The following MYT1L variants were observed in gnomAD, a reference collection of about 807,000 sequenced individuals.
MYT1L encodes myelin transcription factor 1-like protein.
MYT1L carries 12 observed loss-of-function variants against 126.7 expected under a neutral mutation model. That is an observed-to-expected ratio of 0.09 (90% confidence interval 0.06 to 0.15). The LOEUF is 0.15. Ranked by LOEUF, MYT1L falls within the 10% of genes least tolerant of loss-of-function variation. The pLI is 1.00. For missense variants in MYT1L, 979 were observed against 1,585.2 expected (o/e 0.62, Z 6.49); for synonymous variants, 541 against 604.2 (o/e 0.90, Z 1.53).
intron 5 of MYT1L, among the ~76,000 whole-genome samples, chr2:1,982,421 C>T (rs1315007090): frequency 1.3e-5 from 2 of 152,172 alleles, no homozygotes; most frequent in Non-Finnish European, 2.9e-5. Context: ...GAAACATTCT[C>T]CGGGGGTGTA....
chr2:2,182,220 C>T (rs1195074816), intron 2 of MYT1L, among the ~76,000 whole-genome samples: 1 of 152,136 alleles, frequency 6.6e-6, no homozygotes, highest in South Asian at 2.1e-4. Context: ...AGGTGACCTC[C>T]TCTCTGCAGG....
rs748224155 is a variant in MYT1L, at chr2:1,889,205, C to T, written c.2520+36G>A. On this transcript the variant is annotated intron_variant, in intron 16 of 24. Coordinates refer to ENST00000647738, the MANE Select transcript of MYT1L (RefSeq NM_001303052.2). This position sits in a 1 kb window ranked among gnomAD's most constrained non-coding sequence, Gnocchi z 4.1. ...TTCAGCTGGGGCCCCATTTTTAAGT[C>T]TGGCAGTCAACACAGGCTCAATGAA... is the stretch of plus-strand genomic sequence containing the variant. The T allele has an allele frequency of 6.4e-7, 1 of 1,557,618 alleles. No individual in the cohort carries two copies.
chr2:2,157,821 G>T (rs912363154), intron 3 of MYT1L, among the ~76,000 whole-genome samples: 1 of 152,160 alleles, frequency 6.6e-6, no homozygotes, highest in Non-Finnish European at 1.5e-5. Context: ...CACACCAGCA[G>T]GTCTTTGGGC....
intron 2 of MYT1L, among the ~76,000 whole-genome samples, chr2:2,185,238 G>A (rs75991744): frequency 1.1e-3 from 174 of 152,294 alleles, no homozygotes; most frequent in Non-Finnish European, 1.8e-3. Context: ...AGGTAAATGG[G>A]AATGAGGGCA....
intron 14 of MYT1L, among the ~76,000 whole-genome samples, chr2:1,894,427 C>G (rs768613356): frequency 6.6e-6 from 1 of 152,296 alleles, no homozygotes; most frequent in South Asian, 2.1e-4. Flanking sequence ...CCTAAGCAAC[C>G]GTCACAAACC....
At chr2:2,305,292 A>G (rs2095843893) in intron 1 of MYT1L, among the ~76,000 whole-genome samples, 1 of 152,176 alleles carries the variant, frequency 6.6e-6, no homozygotes, top group Non-Finnish European at 1.5e-5. Flanking sequence ...TTCACAGTGG[A>G]ATATATTGGA....
rs2032229774 is a variant in MYT1L at position 1,792,214 on chromosome 2, T to C, written c.3420+107A>G. The C allele has an allele frequency of 2.1e-6, 3 of 1,410,992 alleles. No homozygotes were observed. The East Asian group carries it at 7.5e-5, about 35-fold the overall frequency. 87.4% of individuals were successfully genotyped at this position (1,410,992 alleles called of 1,614,324 possible). On this transcript the variant is annotated intron_variant, in intron 24 of 24. Coordinates refer to ENST00000647738, the MANE Select transcript of MYT1L (RefSeq NM_001303052.2). ...GTTTCGGGGTGGTAACCACAAACAT[T>C]TGCCAAAGGCTGAAGAACCATGAAA... is the stretch of plus-strand genomic sequence containing the variant.
intron 2 of MYT1L, among the ~76,000 whole-genome samples, chr2:2,200,053 T>C (rs2092993952): frequency 1.3e-5 from 2 of 152,144 alleles, no homozygotes; most frequent in African/African-American, 4.8e-5. Flanking sequence ...CCTTACGGTT[T>C]ACAAAATGCA....
At chr2:2,168,092 A>G (rs1221029980) in intron 3 of MYT1L, among the ~76,000 whole-genome samples, 1 of 152,216 alleles carries the variant, frequency 6.6e-6, no homozygotes, top group African/African-American at 2.4e-5. Context: ...AGAAACTCAA[A>G]AAAACAGGTG....
chr2:2,095,680 T>G (rs1219102827), intron 3 of MYT1L, among the ~76,000 whole-genome samples: 1 of 152,086 alleles, frequency 6.6e-6, no homozygotes, highest in Non-Finnish European at 1.5e-5. Flanking sequence ...CTGCAATCTA[T>G]GGGCCAAAGG....
intron 5 of MYT1L, among the ~76,000 whole-genome samples, chr2:1,991,468 T>C (rs1048350285): frequency 5.3e-5 from 8 of 152,090 alleles, no homozygotes; most frequent in Non-Finnish European, 1.2e-4. Context: ...AATCTGTGTA[T>C]TTTTTGCCAC....
chr2:2,021,490 C>T (rs1375674698), intron 4 of MYT1L, among the ~76,000 whole-genome samples: 3 of 152,058 alleles, frequency 2.0e-5, no homozygotes, highest in Non-Finnish European at 4.4e-5. Context: ...GAGTGAGGGT[C>T]GATTGGAGAA....
rs547873189 is a variant in MYT1L at position 1,912,340 on chromosome 2, A to T, written c.1619-230T>A. On this transcript the variant is annotated intron_variant, in intron 11 of 24. Transcript: ENST00000647738. The surrounding 1 kb of genome is among the most constrained non-coding windows in gnomAD (Gnocchi z 4.3). The stretch of plus-strand genomic sequence containing the variant: ...AAAGAAGGTTGACTGGACCCTACAG[A>T]CCCTACATGAAAGGCCAGAGAAAGA... 1.3e-4 allele frequency among the ~76,000 whole-genome samples: 20 copies of T among 152,202 alleles called. No homozygotes were observed. The highest frequency in any genetic ancestry group is 4.6e-4 in the African/African-American group (19 of 41,532).
intron 2 of MYT1L, among the ~76,000 whole-genome samples, chr2:2,279,777 A>T (rs1284807271): frequency 4.6e-5 from 7 of 152,208 alleles, no homozygotes; most frequent in Non-Finnish European, 1.5e-5. Context: ...AAGGGTTTTT[A>T]ATGTATACCC....
At chr2:1,810,868 A>T (rs2036511611) in intron 21 of MYT1L, among the ~76,000 whole-genome samples, 1 of 152,184 alleles carries the variant, frequency 6.6e-6, no homozygotes, top group South Asian at 2.1e-4. Context: ...TCTCATAATT[A>T]TAATAGAATA....
In MYT1L at chr2:1,839,321, C is replaced by T. The variant is rs373901652; in HGVS notation, c.2908G>A (p.Ala970Thr). Residue 970 changes from alanine to threonine, a missense_variant, in exon 21 of 25, where the codon GCG becomes ACG. By Grantham distance (58) the Ala-to-Thr change is moderately conservative. Around this residue, in one of 12 missense-constraint regions of MYT1L, gnomAD observed 179 missense variants for 398.6 expected, o/e 0.45. Transcript: ENST00000647738. ...DGQGHITGKYASHRSASGCPL... is the reference protein window; with the variant it reads ...DGQGHITGKYTSHRSASGCPL... ...CACCCGGAGGCGCTGCGATGGGACG[C>T]GTACTTCCCAGTGATGTGGCCCTGG... 3.1e-6 allele frequency: 5 copies of T among 1,613,416 alleles called. No homozygotes were observed. Among genetic ancestry groups the T allele is most frequent in the South Asian group, 2.2e-5 (2 of 91,090 alleles).
intron 3 of MYT1L, among the ~76,000 whole-genome samples, chr2:2,145,912 A>T (rs2084807874): frequency 6.6e-6 from 1 of 152,234 alleles, no homozygotes; most frequent in Non-Finnish European, 1.5e-5. Flanking sequence ...AAATGATGTA[A>T]TGTTCAGAGG....
At chr2:1,963,453 A>G (rs970737623) in intron 8 of MYT1L, among the ~76,000 whole-genome samples, 3 of 152,254 alleles carry the variant, frequency 2.0e-5, no homozygotes, top group African/African-American at 7.2e-5. Context: ...GCTCAGAACA[A>G]GAGAGACAGC....
Position 1,923,136 on chromosome 2 carries a change from G to A in MYT1L, c.633C>T (p.Ile211=), listed in dbSNP as rs775082258. ...TGGCCCGGTAGGCTGCATCCTCAGC[G>A]ATTTTGCCGAGGTTTAACAATGACT... The part of the protein sequence containing the change: ...VAKSLLNLGK[I]AEDAAYRART... Residue 211 remains isoleucine, a synonymous_variant, in exon 10 of 25, where the codon ATC becomes ATT. Coordinates refer to ENST00000647738, the MANE Select transcript of MYT1L (RefSeq NM_001303052.2). The A allele has an allele frequency of 2.6e-5, 42 of 1,613,906 alleles. No individual in the cohort carries two copies. Among genetic ancestry groups the A allele is most frequent in the Non-Finnish European group, 3.4e-5 (40 of 1,179,904 alleles).
Sources: allele counts gnomAD v4.1 joint callset (sites outside exome capture counted in the v4.1 genomes callset), GRCh38; gene constraint gnomAD v4.1.1; regional missense constraint gnomAD v4.1.1; non-coding constraint Gnocchi (gnomAD v3.1); transcripts MANE v1.5; gene names NCBI Gene and HGNC (gene_info 2026-07-23, HGNC 2026-07-21).